Variants in ZCCHC14 observed in about 807,000 individuals in gnomAD.
ZCCHC14 encodes the protein zinc finger CCHC domain-containing protein 14.
ZCCHC14 carries 16 observed loss-of-function variants against 85.0 expected under a neutral mutation model. The observed-to-expected ratio is 0.19, with a 90% confidence interval of 0.13 to 0.29. The LOEUF (loss-of-function observed/expected upper bound fraction) is 0.29, where lower values mean the gene tolerates loss of function less well. Ranked by LOEUF, ZCCHC14 falls within the 10% of genes least tolerant of loss-of-function variation. The probability of loss-of-function intolerance (pLI) is 1.00; values close to 1 mark genes in which losing one functional copy is unlikely to be tolerated. For synonymous variants in ZCCHC14, 775 were observed against 630.7 expected (o/e 1.23, Z -3.43); for missense variants, 1,303 against 1,443.5 (o/e 0.90, Z 1.58).
Position 87,481,527 on chromosome 16 carries a change from G to T in ZCCHC14, c.570+10142C>A, listed in dbSNP as rs1334197474. ...TGGCAAGTGTGGCAGGGAGAGAAAC[G>T]GGGGGGGGGGGGGGTGGGGGGGGGG... On this transcript the variant is annotated intron_variant, in intron 1 of 12. Coordinates refer to ENST00000671377, the MANE Select transcript of ZCCHC14 (RefSeq NM_015144.3). Among the ~76,000 whole-genome samples the T allele has an allele frequency of 2.8e-3, 35 of 12,340 alleles. 1 individual carries two copies. The highest frequency in any genetic ancestry group is 8.1e-3 in the Non-Finnish European group (28 of 3,452). The allele number at this position is 12,340 out of a possible 152,430, so 8.1% of individuals were successfully genotyped here. A position where few individuals can be genotyped will look rare whatever the true frequency, so the allele number is the denominator to read the frequency against.
chr16:87,433,327 T>A, intron 2 of ZCCHC14, 126 bp from the exon 3 acceptor site: 1 of 844,184 alleles, frequency 1.2e-6, no homozygotes, highest in Admixed American at 2.4e-5. Flanking sequence ...CCTGTCACTT[T>A]GGTGGCATCT....
chr16:87,475,622 C>A (rs1911971393), intron 1 of ZCCHC14, among the ~76,000 whole-genome samples: 1 of 150,060 alleles, frequency 6.7e-6, no homozygotes, highest in South Asian at 2.1e-4. Context: ...AAGAAAAATC[C>A]TGTGGACGAG....
rs577718071 is a variant in ZCCHC14 at position 87,425,595 on chromosome 16, G to GA, written c.769-1715dup. 5.9e-5 allele frequency among the ~76,000 whole-genome samples: 9 copies of GA among 151,524 alleles called. No homozygotes were observed. In the South Asian group the frequency reaches 8.4e-4, roughly 14 times the overall value. ...CTATCAAAAAAAAAAAAGAAAGAAA[G>GA]AAAGAAAAGAAAAGAAAAGAAAATG... On this transcript the variant is annotated intron_variant, in intron 3 of 12. Transcript: ENST00000671377.
rs1908267274 is a variant in ZCCHC14, at chr16:87,407,785, A to C, written c.*2495T>G. 1 of 152,498 alleles carries C rather than the reference A, an allele frequency of 6.6e-6. No homozygotes were observed. Among genetic ancestry groups the C allele is most frequent in the Non-Finnish European group, 1.5e-5 (1 of 68,052 alleles). 9.4% of individuals were successfully genotyped at this position (152,498 alleles called of 1,614,324 possible). The stretch of plus-strand genomic sequence containing the variant: ...TCAGATGAGGAAGTCTGATGACCGC[A>C]AAACGCTCTTCAGACGCGCCGACCT... On this transcript the variant is annotated 3_prime_UTR_variant, in exon 13 of 13. Coordinates refer to ENST00000671377, the MANE Select transcript of ZCCHC14 (RefSeq NM_015144.3).
intron 7 of ZCCHC14, 81 bp downstream of exon 7, chr16:87,418,766 G>A: frequency 7.2e-7 from 1 of 1,391,214 alleles, no homozygotes; most frequent in African/African-American, 1.4e-5. Flanking sequence ...CTTAATTCTT[G>A]GAACAACTTT....
intron 1 of ZCCHC14, chr16:87,467,182 C>A: frequency 7.3e-7 from 1 of 1,371,276 alleles, no homozygotes; most frequent in Non-Finnish European, 1.0e-6. Flanking sequence ...TCTCCTCTGG[C>A]GGGAGAAGAC....
intron 6 of ZCCHC14, among the ~76,000 whole-genome samples, chr16:87,419,187 G>A (rs1316315006): frequency 1.3e-5 from 2 of 151,458 alleles, no homozygotes; most frequent in Non-Finnish European, 3.0e-5. Context: ...GGAGTGCAGT[G>A]GGGCAATCTC....
intron 2 of ZCCHC14, among the ~76,000 whole-genome samples, chr16:87,444,981 C>T (rs1430978208): frequency 1.3e-5 from 2 of 152,116 alleles, no homozygotes; most frequent in Non-Finnish European, 2.9e-5. Flanking sequence ...GGGATCAGAT[C>T]CACAATTCAC....
At chr16:87,431,675 C>T (rs991583835) in intron 3 of ZCCHC14, among the ~76,000 whole-genome samples, 5 of 152,152 alleles carry the variant, frequency 3.3e-5, no homozygotes, top group African/African-American at 1.2e-4. Context: ...CAGCTCCGTG[C>T]ACAGCACCTT....
At position 87,459,992 on chromosome 16, in the gene ZCCHC14, C is replaced by T. The variant is rs1911176978; in HGVS notation, c.694+16G>A. 5 of 1,614,020 alleles carry T rather than the reference C, an allele frequency of 3.1e-6. No homozygotes were observed. The highest frequency in any genetic ancestry group is 4.2e-6 in the Non-Finnish European group (5 of 1,179,940). On this transcript the variant is annotated intron_variant, in intron 2 of 12. Coordinates refer to ENST00000671377, the MANE Select transcript of ZCCHC14 (RefSeq NM_015144.3). ...CGTCCGTCAGACGTCCTCCTGAAAC[C>T]CGTGCGTGCACTCACCTTTGCTGTG...
At chr16:87,437,559 C>G (rs1722489015) in intron 2 of ZCCHC14, among the ~76,000 whole-genome samples, 2 of 152,186 alleles carry the variant, frequency 1.3e-5, no homozygotes, top group South Asian at 4.1e-4. Flanking sequence ...AGCACCGCAC[C>G]CAGGCAGGCC....
At chr16:87,468,523 G>T (rs752913615) in intron 1 of ZCCHC14, among the ~76,000 whole-genome samples, 2 of 151,324 alleles carry the variant, frequency 1.3e-5, no homozygotes, top group Non-Finnish European at 2.9e-5. Context: ...TACAGGAGGC[G>T]CATGCCACCA....
chr16:87,481,436 T>C (rs181834132), intron 1 of ZCCHC14, among the ~76,000 whole-genome samples: 10 of 150,890 alleles, frequency 6.6e-5, no homozygotes, highest in Non-Finnish European at 1.3e-4. Flanking sequence ...TCCATCCTGC[T>C]TCCCTGGCAT....
At chr16:87,443,846 G>A (rs1910301414) in intron 2 of ZCCHC14, among the ~76,000 whole-genome samples, 1 of 152,124 alleles carries the variant, frequency 6.6e-6, no homozygotes, top group South Asian at 2.1e-4. Context: ...AGACCAGCCT[G>A]GCCAAAATGG....
intron 9 of ZCCHC14, 126 bp downstream of exon 9, chr16:87,415,150 C>G: frequency 1.4e-6 from 1 of 697,756 alleles, no homozygotes; most frequent in Non-Finnish European, 2.5e-6. Context: ...AAAAGCATGG[C>G]TAAGGACTGG....
chr16:87,433,276 T>A, intron 2 of ZCCHC14, 75 bp from the exon 3 acceptor site: 1 of 1,417,134 alleles, frequency 7.1e-7, no homozygotes, highest in Non-Finnish European at 9.7e-7. Context: ...CATTTGATAT[T>A]CAGCAGTTTT....
intron 2 of ZCCHC14, among the ~76,000 whole-genome samples, chr16:87,445,915 C>G (rs1215492464): frequency 6.6e-6 from 1 of 152,062 alleles, no homozygotes; most frequent in African/African-American, 2.4e-5. Flanking sequence ...GGAAATCAAC[C>G]TATTTTTCTA....
At chr16:87,459,533 G>C (rs1911151297) in intron 2 of ZCCHC14, among the ~76,000 whole-genome samples, 1 of 150,630 alleles carries the variant, frequency 6.6e-6, no homozygotes, top group Non-Finnish European at 1.5e-5. Flanking sequence ...TTTTCAGACG[G>C]AGTTTTGCTC....
chr16:87,446,421 T>C (rs1408897445), intron 2 of ZCCHC14, among the ~76,000 whole-genome samples: 1 of 151,230 alleles, frequency 6.6e-6, no homozygotes, highest in Non-Finnish European at 1.5e-5. Flanking sequence ...AAGGCAGAGG[T>C]TACAGTGAGC....
Sources: gnomAD v4.1 joint callset for allele counts (sites outside exome capture counted in the v4.1 genomes callset) on GRCh38, gnomAD v4.1.1 for gene constraint, MANE v1.5 for transcripts, NCBI Gene and HGNC (gene_info 2026-07-23, HGNC 2026-07-21) for gene names.